RMND5A: variants seen among roughly 807,000 people sequenced by gnomAD.
RMND5A encodes required for meiotic nuclear division 5 homolog A, also known as E3 ubiquitin-protein transferase RMND5A.
Under a neutral mutation model 49.7 loss-of-function variants are expected in RMND5A, and 17 were observed. The ratio of observed to expected loss-of-function variants is 0.34; its 90% CI spans 0.23 to 0.51. The LOEUF is 0.51. Among genes scored for constraint, RMND5A ranks in the 20% least tolerant of loss-of-function variants. RMND5A has a pLI of 0.96. For synonymous variants in RMND5A, 156 were observed against 167.7 expected (o/e 0.93, Z 0.54); for missense variants, 255 against 471.3 (o/e 0.54, Z 4.25).
At chr2:86,759,826 AG>A (rs760644415) in intron 4 of RMND5A, among the ~76,000 whole-genome samples, 2 of 151,864 alleles carry the variant, frequency 1.3e-5, no homozygotes, top group African/African-American at 4.8e-5. Flanking sequence ...GGAGGAAGGA[AG>A]GGGGAGGGGC....
At chr2:86,769,933 G>A in intron 6 of RMND5A, 90 bp from the exon 7 acceptor site, 1 of 862,820 alleles carries the variant, frequency 1.2e-6, no homozygotes, top group South Asian at 1.4e-5. Flanking sequence ...AGGGTCTGCA[G>A]CACATAGAGT....
chr2:86,765,813 T>G (rs1672580004), intron 5 of RMND5A, 46 bp from the exon 6 acceptor site: 1 of 1,580,464 alleles, frequency 6.3e-7, no homozygotes, highest in Non-Finnish European at 8.6e-7. Context: ...TTTCGCAGCT[T>G]ATTACTGCAA....
chr2:86,765,718 A>G, intron 5 of RMND5A, 141 bp from the exon 6 acceptor site: 1 of 658,536 alleles, frequency 1.5e-6, no homozygotes, highest in Non-Finnish European at 2.5e-6. Context: ...ATGAAGGAAG[A>G]AACCAAGCTT....
At chr2:86,749,622 TC>T (rs1372469693) in intron 2 of RMND5A, among the ~76,000 whole-genome samples, 1 of 152,120 alleles carries the variant, frequency 6.6e-6, no homozygotes, top group African/African-American at 2.4e-5. Context: ...ACTCCTGACT[TC>T]AGGTGATCCT....
At chr2:86,745,032 A>C in intron 2 of RMND5A, among the ~76,000 whole-genome samples, 1 of 151,782 alleles carries the variant, frequency 6.6e-6, no homozygotes. Flanking sequence ...AGTAAAAATA[A>C]TGTATTTGGG....
intron 8 of RMND5A, among the ~76,000 whole-genome samples, chr2:86,772,751 C>T (rs1195965487): frequency 2.6e-5 from 4 of 152,020 alleles, no homozygotes; most frequent in Non-Finnish European, 4.4e-5. Context: ...CACACCACCA[C>T]ACTTGGCTGA....
rs151012486 is a variant in RMND5A, at chr2:86,750,717, C to T, written c.286-1179C>T. Among the ~76,000 whole-genome samples the T allele has an allele frequency of 1.8e-4, 27 of 151,158 alleles. No homozygotes were observed. The East Asian group carries it at 2.9e-3, about 16-fold the overall frequency. On this transcript the variant is annotated intron_variant, in intron 2 of 8. Transcript: ENST00000283632. Reference sequence around the variant, plus strand: ...TACTGTTTCTCTTCTCCTAGTATTCCGATGACACACACGTTAGAGCTTTTG... The same window carrying T: ...TACTGTTTCTCTTCTCCTAGTATTCTGATGACACACACGTTAGAGCTTTTG...
chr2:86,751,359 G>T (rs1681629826), intron 2 of RMND5A, among the ~76,000 whole-genome samples: 1 of 152,182 alleles, frequency 6.6e-6, no homozygotes, highest in African/African-American at 2.4e-5. Context: ...TCTGTAGTAT[G>T]CTGTTTAGAG....
chr2:86,732,526 TG>T (rs1681349360), intron 1 of RMND5A, among the ~76,000 whole-genome samples: 1 of 145,070 alleles, frequency 6.9e-6, no homozygotes, highest in Non-Finnish European at 1.5e-5. Context: ...GTAAAACAAA[TG>T]TATGTACAAA....
At chr2:86,758,556 A>T (rs185718896) in intron 4 of RMND5A, among the ~76,000 whole-genome samples, 5 of 152,158 alleles carry the variant, frequency 3.3e-5, no homozygotes, top group African/African-American at 1.2e-4. Flanking sequence ...GACCACTCCT[A>T]TGTGTAGCTC....
chr2:86,754,125 A>G (rs1681689028), intron 4 of RMND5A, among the ~76,000 whole-genome samples: 1 of 152,262 alleles, frequency 6.6e-6, no homozygotes, highest in Non-Finnish European at 1.5e-5. Flanking sequence ...GCTTTTCCAT[A>G]AAGGACCAAG....
intron 6 of RMND5A, among the ~76,000 whole-genome samples, chr2:86,767,425 C>CTTTTTTT (rs11468234): frequency 1.4e-5 from 2 of 139,580 alleles, no homozygotes; most frequent in Non-Finnish European, 3.1e-5. Context: ...TTTTGGCAGT[C>CTTTTTTT]TTTTTTTTTT....
At chr2:86,753,343 A>G (rs1681670462) in intron 3 of RMND5A, 115 bp from the exon 4 acceptor site, 2 of 646,504 alleles carry the variant, frequency 3.1e-6, no homozygotes, top group South Asian at 4.1e-5. Flanking sequence ...TCTCTACTAT[A>G]GGGAATTATC....
chr2:86,768,365 C>T (rs1476481374), intron 6 of RMND5A, among the ~76,000 whole-genome samples: 1 of 152,210 alleles, frequency 6.6e-6, no homozygotes, highest in Non-Finnish European at 1.5e-5. Context: ...GAATAAGGTG[C>T]ATTCCACAGG....
intron 8 of RMND5A, 125 bp from the exon 9 acceptor site, chr2:86,773,223 C>T: frequency 2.1e-6 from 1 of 480,016 alleles, no homozygotes. Flanking sequence ...AAAATACAAA[C>T]AGACTTGTTT....
At position 86,774,671 on chromosome 2, in the gene RMND5A, C is replaced by G. The variant is rs1672738711; in HGVS notation, c.*1260C>G. Reference sequence around the variant, plus strand: ...CTGACCGAAACCCATGAAGTTACTTCAGTATAAGAAGAACGTTACACGGAA... The same window carrying G: ...CTGACCGAAACCCATGAAGTTACTTGAGTATAAGAAGAACGTTACACGGAA... On this transcript the variant is annotated 3_prime_UTR_variant, in exon 9 of 9. Coordinates refer to ENST00000283632, the MANE Select transcript of RMND5A (RefSeq NM_022780.4). 1 of 152,654 alleles carries G rather than the reference C, an allele frequency of 6.6e-6. No homozygotes were observed. Among genetic ancestry groups the G allele is most frequent in the South Asian group, 2.1e-4 (1 of 4,830 alleles). 9.5% of individuals were successfully genotyped at this position (152,654 alleles called of 1,614,324 possible).
intron 4 of RMND5A, among the ~76,000 whole-genome samples, chr2:86,756,324 C>T (rs778244973): frequency 1.7e-4 from 26 of 152,074 alleles, no homozygotes; most frequent in Non-Finnish European, 2.2e-4. Flanking sequence ...GCCCAGGAGG[C>T]GGAGTCTGCA....
In RMND5A at chr2:86,753,663, G is replaced by A. The variant is rs115970066; in HGVS notation, c.521+105G>A. 429 of 558,042 alleles carry A rather than the reference G, an allele frequency of 7.7e-4. 1 individual carries two copies. The highest frequency in any genetic ancestry group is 7.4e-3 in the African/African-American group (384 of 51,544). 34.6% of individuals were successfully genotyped at this position (558,042 alleles called of 1,614,324 possible). A position where few individuals can be genotyped will look rare whatever the true frequency, so the allele number is the denominator to read the frequency against. On this transcript the variant is annotated intron_variant, in intron 4 of 8. Transcript: ENST00000283632. The stretch of plus-strand genomic sequence containing the variant: ...TTTTAGATATATTTATCTTACCTGT[G>A]GTAGACTTCAGAGAAATCAAAGGAG...
intron 8 of RMND5A, among the ~76,000 whole-genome samples, chr2:86,772,420 A>G (rs1672698743): frequency 6.6e-6 from 1 of 152,156 alleles, no homozygotes; most frequent in Non-Finnish European, 1.5e-5. Context: ...GTGCCACTGC[A>G]CTCCAGCCTG....
Sources: gnomAD v4.1 joint callset for allele counts (sites outside exome capture counted in the v4.1 genomes callset) on GRCh38, gnomAD v4.1.1 for gene constraint, MANE v1.5 for transcripts, NCBI Gene and HGNC (gene_info 2026-07-23, HGNC 2026-07-21) for gene names.